The following NETO1 variants were observed in gnomAD, a reference collection of about 807,000 sequenced individuals.
NETO1 encodes the protein neuropilin and tolloid-like protein 1.
NETO1 carries 26 observed loss-of-function variants against 61.3 expected under a neutral mutation model. The ratio of observed to expected loss-of-function variants is 0.42; its 90% CI spans 0.31 to 0.59. The LOEUF is 0.59. NETO1 is among the 20% of genes least tolerant of loss of function. The pLI, the probability that NETO1 is intolerant of heterozygous loss-of-function variation, is 0.12. For synonymous variants in NETO1, 225 were observed against 225.8 expected, an observed-to-expected ratio of 1.00 and a Z score of 0.03; for missense variants, 531 against 662.8, an observed-to-expected ratio of 0.80 and a Z score of 2.18.
At chr18:72,779,710 C>T (rs2071673964) in intron 7 of NETO1, among the ~76,000 whole-genome samples, 1 of 152,188 alleles carries the variant, frequency 6.6e-6, no homozygotes, top group Admixed American at 6.5e-5. Context: ...TGGTAGAATT[C>T]TGCATAATTT....
At chr18:72,808,418 T>TG (rs1599041493) in intron 4 of NETO1, among the ~76,000 whole-genome samples, 3 of 127,876 alleles carry the variant, frequency 2.3e-5, no homozygotes, top group Admixed American at 1.7e-4. Context: ...GCACTGCAGA[T>TG]TTGTGTGTGT....
chr18:72,748,384 T>C, intron 10 of NETO1: 1 of 695,104 alleles, frequency 1.4e-6, no homozygotes, highest in Non-Finnish European at 1.8e-6. Context: ...AGTAAAGCCA[T>C]TGTGATATCT....
At chr18:72,790,978 C>A (rs2072096157) in intron 6 of NETO1, among the ~76,000 whole-genome samples, 2 of 152,070 alleles carry the variant, frequency 1.3e-5, no homozygotes, top group Non-Finnish European at 2.9e-5. Context: ...ATGAATTAGA[C>A]CCCAGAGTAT....
rs375828597 is a variant in NETO1, at chr18:72,863,594, T to C, written c.220+1214A>G. 1.7e-4 allele frequency among the ~76,000 whole-genome samples: 26 copies of C among 152,314 alleles called. No individual in the cohort carries two copies. The East Asian group carries it at 2.1e-3, about 12-fold the overall frequency. On this transcript the variant is annotated intron_variant, in intron 3 of 10. Transcript: ENST00000327305. ...TTTTGCCTTCTTACAGTGTGGTTTA[T>C]CTTTGCTGAAAATTCAACTTCAAGT... is the stretch of plus-strand genomic sequence containing the variant.
At chr18:72,838,503 G>C (rs1330123102) in intron 4 of NETO1, among the ~76,000 whole-genome samples, 1 of 152,172 alleles carries the variant, frequency 6.6e-6, no homozygotes, top group African/African-American at 2.4e-5. Context: ...AAACCAAGAG[G>C]TGGTAGTACA....
At chr18:72,754,284 T>C (rs1178182627) in intron 8 of NETO1, among the ~76,000 whole-genome samples, 3 of 151,960 alleles carry the variant, frequency 2.0e-5, no homozygotes, top group Non-Finnish European at 4.4e-5. Flanking sequence ...AAAAAATACA[T>C]GAGACATTTA....
chr18:72,853,486 T>C (rs2074319550), intron 4 of NETO1: 1 of 152,148 alleles, frequency 6.6e-6, no homozygotes, highest in Non-Finnish European at 1.5e-5. Context: ...TAGCTGGATG[T>C]GGTGGCTCAC....
intron 3 of NETO1, among the ~76,000 whole-genome samples, chr18:72,861,579 C>T (rs2074573652): frequency 6.6e-6 from 1 of 152,194 alleles, no homozygotes; most frequent in African/African-American, 2.4e-5. Context: ...ACTATGAGCA[C>T]TTTCACCTGG....
At chr18:72,777,612 G>C (rs937419013) in intron 7 of NETO1, among the ~76,000 whole-genome samples, 1 of 151,598 alleles carries the variant, frequency 6.6e-6, no homozygotes. Flanking sequence ...GCGTGGTGGC[G>C]GGTGCCTGTA....
rs60486291 is a variant in NETO1, at chr18:72,809,467, G to GCTTGGTA, written c.470-15070_470-15064dup. Among the ~76,000 whole-genome samples, 389 of 152,278 alleles carry GCTTGGTA rather than the reference G, an allele frequency of 2.6e-3. 3 individuals are homozygous for GCTTGGTA. Among genetic ancestry groups the GCTTGGTA allele is most frequent in the African/African-American group, 7.4e-3 (306 of 41,546 alleles). The stretch of plus-strand genomic sequence containing the variant: ...GACTGGGGTAAAAAATATCAACCAG[G>GCTTGGTA]CTTGGTACAAAGCAGTAGTATTTGC... On this transcript the variant is annotated intron_variant, in intron 4 of 10. Transcript: ENST00000327305.
intron 7 of NETO1, among the ~76,000 whole-genome samples, chr18:72,756,375 G>A (rs1013657012): frequency 6.6e-6 from 1 of 152,016 alleles, no homozygotes; most frequent in African/African-American, 2.4e-5. Flanking sequence ...AAATGCCATA[G>A]GGTATTTTCC....
At chr18:72,770,324 T>A (rs535198912) in intron 7 of NETO1, among the ~76,000 whole-genome samples, 9 of 152,224 alleles carry the variant, frequency 5.9e-5, no homozygotes, top group Admixed American at 1.3e-4. Flanking sequence ...CCAATTATTC[T>A]CCAGGTCAAC....
chr18:72,864,839 G>A lies in NETO1; in HGVS notation c.189C>T (p.Pro63=). 6.2e-7 allele frequency: 1 copy of A among 1,613,874 alleles called. No individual in the cohort carries two copies. The highest frequency in any genetic ancestry group is 8.5e-7 in the Non-Finnish European group (1 of 1,179,952). Residue 63 remains proline (P), a synonymous_variant, in exon 3 of 11, where the codon CCC becomes CCT. Coordinates refer to ENST00000327305, the MANE Select transcript of NETO1 (RefSeq NM_138966.5). ...TGATGTAGATGCATTCCCGGTCAGG[G>A]GGATACTTGCTGGGATAGTTGGGAG... The part of the protein sequence containing the change: ...FTSPNYPSKY[P]PDRECIYIIE...
intron 7 of NETO1, among the ~76,000 whole-genome samples, chr18:72,757,042 T>C (rs2070807653): frequency 6.6e-6 from 1 of 152,142 alleles, no homozygotes; most frequent in Non-Finnish European, 1.5e-5. Flanking sequence ...TAACTTTTGT[T>C]TTTACCTTTG....
At position 72,858,918 on chromosome 18, in the gene NETO1, A is replaced by G; in HGVS notation, c.377T>C (p.Ile126Thr). The G allele has an allele frequency of 6.2e-7, 1 of 1,613,944 alleles. No homozygotes were observed. The highest frequency in any genetic ancestry group is 8.5e-7 in the Non-Finnish European group (1 of 1,179,888). ...CCATAGAAATCTTCCACTGGATTTT[A>G]TGACAGGTGGATTTTGTTGTCCACA... Reference protein sequence around the residue: ...RFCGQQNPPVIKSSGRFLWIK... With the variant: ...RFCGQQNPPVTKSSGRFLWIK... Residue 126 changes from isoleucine (I) to threonine (T), a missense_variant, in exon 4 of 11, where the codon ATA becomes ACA. By Grantham distance (89) the Ile-to-Thr change is moderately conservative. Transcript: ENST00000327305.
chr18:72,755,376 C>T (rs1370244874), intron 8 of NETO1, among the ~76,000 whole-genome samples: 1 of 152,102 alleles, frequency 6.6e-6, no homozygotes, highest in Non-Finnish European at 1.5e-5. Context: ...AGTTATTTGC[C>T]TATCTTCTTT....
Position 72,746,143 on chromosome 18 carries a change from CCTAA to C in NETO1, c.*2032_*2035del, listed in dbSNP as rs1429153172. Among the ~76,000 whole-genome samples, 1 of 151,916 alleles carries C rather than the reference CCTAA, an allele frequency of 6.6e-6. No individual in the cohort carries two copies. Among genetic ancestry groups the C allele is most frequent in the Non-Finnish European group, 1.5e-5 (1 of 67,968 alleles). ...GAACAAATTAATAGTAAAATGTTCACCTAACTTATTTCACTATTTTTATTGCTGT... is the reference window on the plus strand; with the variant it reads ...GAACAAATTAATAGTAAAATGTTCACCTTATTTCACTATTTTTATTGCTGT... On this transcript the variant is annotated 3_prime_UTR_variant, in exon 11 of 11. Coordinates refer to ENST00000327305, the MANE Select transcript of NETO1 (RefSeq NM_138966.5).
intron 1 of NETO1, 110 bp from the exon 2 acceptor site, chr18:72,865,351 ATTG>A: frequency 8.4e-7 from 1 of 1,184,286 alleles, no homozygotes; most frequent in Non-Finnish European, 1.2e-6. Context: ...TAATTTTTTC[ATTG>A]TTAACTGTTA....
chr18:72,802,412 G>C (rs527524763), intron 4 of NETO1, among the ~76,000 whole-genome samples: 1 of 152,206 alleles, frequency 6.6e-6, no homozygotes, highest in Non-Finnish European at 1.5e-5. Flanking sequence ...GCTGATTAAA[G>C]TTTCAGCTTA....
Sources: gnomAD v4.1 joint callset for allele counts (sites outside exome capture counted in the v4.1 genomes callset) on GRCh38, gnomAD v4.1.1 for gene constraint, MANE v1.5 for transcripts, NCBI Gene and HGNC (gene_info 2026-07-23, HGNC 2026-07-21) for gene names.